The following SLC35D2 variants were observed in gnomAD, a reference collection of about 807,000 sequenced individuals.
SLC35D2 encodes the protein solute carrier family 35 member D2, also known as nucleotide sugar transporter SLC35D2.
SLC35D2 carries 43 observed loss-of-function variants against 41.8 expected under a neutral mutation model. The ratio of observed to expected loss-of-function variants is 1.03; its 90% CI spans 0.81 to 1.33. SLC35D2 has a LOEUF of 1.33. Among genes scored for constraint, SLC35D2 ranks in the 40% most tolerant of loss-of-function variants. The pLI, the probability that SLC35D2 is intolerant of heterozygous loss-of-function variation, is 0.00. For missense variants in SLC35D2, 380 were observed against 408.4 expected, an observed-to-expected ratio of 0.93 and a Z score of 0.60; for synonymous variants, 150 against 163.9, an observed-to-expected ratio of 0.92 and a Z score of 0.65.
rs2131003297 is a variant in SLC35D2 at position 96,368,314 on chromosome 9, G to A, written c.159-9C>T. 6.2e-7 allele frequency: 1 copy of A among 1,602,380 alleles called. No individual in the cohort carries two copies. Among genetic ancestry groups the A allele is most frequent in the Non-Finnish European group, 8.5e-7 (1 of 1,172,898 alleles). Reference sequence around the variant, plus strand: ...AAATTGGTGACGGGAAACTACAAAGGACACAGAACAACAAATCAGTTGAGC... The same window carrying A: ...AAATTGGTGACGGGAAACTACAAAGAACACAGAACAACAAATCAGTTGAGC... On this transcript the variant is annotated splice_polypyrimidine_tract_variant and intron_variant, in intron 1 of 11. Coordinates refer to ENST00000253270, the MANE Select transcript of SLC35D2 (RefSeq NM_007001.3).
intron 4 of SLC35D2, among the ~76,000 whole-genome samples, chr9:96,355,618 T>C (rs1231576565): frequency 6.6e-6 from 1 of 151,934 alleles, no homozygotes; most frequent in African/African-American, 2.4e-5. Context: ...TGCCTCAGCC[T>C]CCCAAGTAGC....
intron 9 of SLC35D2, among the ~76,000 whole-genome samples, chr9:96,329,557 T>G (rs1246360521): frequency 2.0e-5 from 3 of 152,194 alleles, no homozygotes; most frequent in African/African-American, 7.2e-5. Flanking sequence ...ACCTGCATTT[T>G]CACATCTATG....
At chr9:96,350,961 G>C (rs1371685049) in intron 6 of SLC35D2, 142 bp downstream of exon 6, 1 of 620,936 alleles carries the variant, frequency 1.6e-6, no homozygotes, top group Non-Finnish European at 2.9e-6. Context: ...AACACATGGG[G>C]ATTCCACTAA....
chr9:96,344,573 A>T (rs1330083856), intron 7 of SLC35D2, among the ~76,000 whole-genome samples: 1 of 150,420 alleles, frequency 6.6e-6, no homozygotes, highest in African/African-American at 2.4e-5. Flanking sequence ...AGATAAAAAA[A>T]AAAAAAAAAG....
At chr9:96,345,465 G>T in intron 6 of SLC35D2, 64 bp from the exon 7 acceptor site, 2 of 894,624 alleles carry the variant, frequency 2.2e-6, no homozygotes, top group Admixed American at 2.1e-5. Context: ...CTCCAAGCCC[G>T]CCTGATCTAC....
downstream of SLC35D2, among the ~76,000 whole-genome samples, chr9:96,317,155 T>C (rs1828073393): frequency 6.6e-6 from 1 of 151,494 alleles, no homozygotes; most frequent in African/African-American, 2.4e-5. Flanking sequence ...AAAAAAAGTA[T>C]TAAAACAGCA....
At chr9:96,318,008 A>T (rs6479243), downstream of SLC35D2, among the ~76,000 whole-genome samples, 1 of 149,888 alleles carries the variant, frequency 6.7e-6, no homozygotes, top group Non-Finnish European at 1.5e-5. Flanking sequence ...TGCACTCCAG[A>T]CTGGGAGACA....
chr9:96,322,866 T>C (rs1206299981), intron 10 of SLC35D2, among the ~76,000 whole-genome samples: 2 of 151,904 alleles, frequency 1.3e-5, no homozygotes, highest in Non-Finnish European at 2.9e-5. Context: ...TACAGGGCAC[T>C]CACCACCACG....
In SLC35D2 at chr9:96,322,015, A is replaced by C; in HGVS notation, c.897T>G (p.Phe299Leu). ...GGDYIFSLLN[F>L]VGLNICMAGG... ...CCACTCACCAAATATTTAACCCTACAAAGTTTAACAAAGAGAAAATGTAGT... is the reference window on the plus strand; with the variant it reads ...CCACTCACCAAATATTTAACCCTACCAAGTTTAACAAAGAGAAAATGTAGT... Residue 299 changes from phenylalanine (F) to leucine (L), a missense_variant, in exon 11 of 12, where the codon TTT (phenylalanine) becomes TTG (leucine). Phe to Leu is a conservative substitution (Grantham distance 22, BLOSUM62 0). Transcript: ENST00000253270. The C allele has an allele frequency of 6.3e-7, 1 of 1,599,210 alleles. No homozygotes were observed. The highest frequency in any genetic ancestry group is 8.6e-7 in the Non-Finnish European group (1 of 1,167,194).
chr9:96,324,584 G>A (rs568137720), intron 9 of SLC35D2, among the ~76,000 whole-genome samples: 24 of 107,188 alleles, frequency 2.2e-4, no homozygotes, highest in Middle Eastern at 7.2e-3. Context: ...ACGGAGTCTC[G>A]CTCTGTCACC....
At chr9:96,335,651 C>T (rs1430752134) in intron 9 of SLC35D2, among the ~76,000 whole-genome samples, 1 of 152,110 alleles carries the variant, frequency 6.6e-6, no homozygotes, top group Non-Finnish European at 1.5e-5. Flanking sequence ...TTAATGATTT[C>T]CTAGTTGCAT....
At chr9:96,354,928 TG>T (rs1279616949) in intron 4 of SLC35D2, among the ~76,000 whole-genome samples, 2 of 151,534 alleles carry the variant, frequency 1.3e-5, no homozygotes, top group Non-Finnish European at 2.9e-5. Flanking sequence ...CCAGGTGCAG[TG>T]GTTCATGCCT....
chr9:96,354,527 G>A lies in SLC35D2; in HGVS notation c.348-2418C>T, dbSNP rs114673430. 5.3e-3 allele frequency among the ~76,000 whole-genome samples: 813 copies of A among 152,268 alleles called. 9 individuals are homozygous for A. Among genetic ancestry groups the A allele is most frequent in the African/African-American group, 0.018 (748 of 41,556 alleles). On this transcript the variant is annotated intron_variant, in intron 4 of 11. Transcript: ENST00000253270. Reference sequence around the variant, plus strand: ...CACGCCTGTAATCCCAACATTCTGGGAGGCCAAGGTGGGTGGATGAATTGA... The same window carrying A: ...CACGCCTGTAATCCCAACATTCTGGAAGGCCAAGGTGGGTGGATGAATTGA...
chr9:96,340,828 ACT>A (rs2130897187), intron 8 of SLC35D2, among the ~76,000 whole-genome samples: 1 of 152,058 alleles, frequency 6.6e-6, no homozygotes, highest in East Asian at 1.9e-4. Flanking sequence ...ATTAGCAGTC[ACT>A]CTGGCGGCTC....
chr9:96,336,717 C>T lies in SLC35D2; in HGVS notation c.752G>A (p.Gly251Glu). The T allele has an allele frequency of 6.4e-7, 1 of 1,564,284 alleles. No homozygotes were observed. Among genetic ancestry groups the T allele is most frequent in the Non-Finnish European group, 8.8e-7 (1 of 1,141,928 alleles). ...CTTCTACTTATCTATGGTTTCTTAC[C>T]CCAAAAAACAGGAAAGAAGAAACTG... ...ILQFLLSCFL[G>E]FLLMYSTVLC... Residue 251 changes from glycine to glutamate, a missense_variant and splice_region_variant, in exon 9 of 12, where the codon GGG becomes GAG. Gly to Glu is a moderately conservative substitution (Grantham distance 98, BLOSUM62 -2). Coordinates refer to ENST00000253270, the MANE Select transcript of SLC35D2 (RefSeq NM_007001.3).
In SLC35D2 at chr9:96,371,750, G is replaced by A. The variant is rs1393960487; in HGVS notation, c.159-3445C>T. On this transcript the variant is annotated intron_variant, in intron 1 of 11. Coordinates refer to ENST00000253270, the MANE Select transcript of SLC35D2 (RefSeq NM_007001.3). Reference sequence around the variant, plus strand: ...TTTTTTTTTTTTTTTTTTTTGAGACGGAGTCTCGCTCTGTCGCCCAGGCTG... The same window carrying A: ...TTTTTTTTTTTTTTTTTTTTGAGACAGAGTCTCGCTCTGTCGCCCAGGCTG... Among the ~76,000 whole-genome samples the A allele has an allele frequency of 1.7e-4, 19 of 110,706 alleles. No individual in the cohort carries two copies. In the South Asian group the frequency reaches 2.4e-3, roughly 14 times the overall value. The allele number at this position is 110,706 out of a possible 152,430, so 72.6% of individuals were successfully genotyped here.
downstream of SLC35D2, among the ~76,000 whole-genome samples, chr9:96,318,015 G>T (rs1356916290): frequency 7.0e-6 from 1 of 142,394 alleles, no homozygotes; most frequent in Non-Finnish European, 1.5e-5. Context: ...CAGACTGGGA[G>T]ACAGAGCAAG....
chr9:96,379,625 C>CA (rs1831106967), intron 1 of SLC35D2, among the ~76,000 whole-genome samples: 1 of 152,192 alleles, frequency 6.6e-6, no homozygotes, highest in African/African-American at 2.4e-5. Context: ...ATTCTATCCT[C>CA]AGACAACTCA....
chr9:96,350,346 C>CTTTTTTTTTT (rs1564107383), intron 6 of SLC35D2, among the ~76,000 whole-genome samples: 3 of 130,534 alleles, frequency 2.3e-5, no homozygotes, highest in African/African-American at 9.9e-5. Context: ...AATTTTCTTT[C>CTTTTTTTTTT]CTTTTTTTTT....
Sources: allele counts gnomAD v4.1 joint callset (sites outside exome capture counted in the v4.1 genomes callset), GRCh38; gene constraint gnomAD v4.1.1; transcripts MANE v1.5; gene names NCBI Gene and HGNC (gene_info 2026-07-23, HGNC 2026-07-21).